Variants in AGBL1 observed in about 807,000 individuals in gnomAD.
The protein encoded by AGBL1 is cytosolic carboxypeptidase 4.
In AGBL1, 130 loss-of-function variants were observed where a neutral mutation model predicts 118.9. The observed-to-expected ratio is 1.09, with a 90% CI of 0.95 to 1.26. The LOEUF is 1.26. Ranked by LOEUF, AGBL1 falls within the 50% of genes most tolerant of loss-of-function variation. The probability of loss-of-function intolerance (pLI) is 0.00; values close to 1 mark genes in which losing one functional copy is unlikely to be tolerated. For missense variants in AGBL1, 1,584 were observed against 1,298.1 expected (o/e 1.22, Z -3.38); for synonymous variants, 555 against 478.9 (o/e 1.16, Z -2.08).
At chr15:86,785,257 C>A (rs1319301564) in intron 22 of AGBL1, among the ~76,000 whole-genome samples, 1 of 151,592 alleles carries the variant, frequency 6.6e-6, no homozygotes, top group Admixed American at 6.6e-5. Flanking sequence ...CAAGGGGAAG[C>A]ATGGTCAAGG....
At position 86,819,118 on chromosome 15, in the gene AGBL1, AGGGAGCAGAAAAAGAAAGTGAT is replaced by A. The variant is rs1279767897; in HGVS notation, c.3159-87965_3159-87944del. Among the ~76,000 whole-genome samples, 57 of 152,200 alleles carry A rather than the reference AGGGAGCAGAAAAAGAAAGTGAT, an allele frequency of 3.7e-4. 1 individual carries two copies. The highest frequency in any genetic ancestry group is 1.3e-3 in the African/African-American group (55 of 41,534). On this transcript the variant is annotated intron_variant, in intron 22 of 22. Coordinates refer to ENST00000614907, the MANE Select transcript of AGBL1 (RefSeq NM_001386094.1). ...AAGTATAGCCAGCATTTTTGTCCAC[AGGGAGCAGAAAAAGAAAGTGAT>A]GGGGGCAAAAATCTAACACTGAAGG...
intron 18 of AGBL1, among the ~76,000 whole-genome samples, chr15:86,512,209 G>C (rs1489221163): frequency 6.6e-6 from 1 of 151,836 alleles, no homozygotes; most frequent in Non-Finnish European, 1.5e-5. Context: ...CTGTCGCTGA[G>C]GTGTCCTCAA....
intron 22 of AGBL1, among the ~76,000 whole-genome samples, chr15:86,699,178 ATCTT>A (rs147729065): frequency 0.011 from 1,724 of 152,128 alleles, 23 homozygotes; most frequent in East Asian, 0.07. Context: ...AATTTTGTAT[ATCTT>A]CATTGAGATT....
chr15:86,542,234 A>G (rs1428431471), intron 19 of AGBL1, among the ~76,000 whole-genome samples: 2 of 152,162 alleles, frequency 1.3e-5, no homozygotes, highest in Admixed American at 6.5e-5. Context: ...CCTGTTTATG[A>G]GAGGGCTCAG....
chr15:86,986,211 ACGGCGCC>A (rs2081280733), intron 23 of AGBL1, among the ~76,000 whole-genome samples: 1 of 152,194 alleles, frequency 6.6e-6, no homozygotes. Flanking sequence ...GGCGTGAGCC[ACGGCGCC>A]CGGCCAGGAT....
In AGBL1 at chr15:86,493,448, G is replaced by A. The variant is rs142952254; in HGVS notation, c.2556-29362G>A. Among the ~76,000 whole-genome samples, 163 of 152,068 alleles carry A rather than the reference G, an allele frequency of 1.1e-3. 2 individuals carry two copies. The East Asian group carries it at 0.02, about 18-fold the overall frequency. On this transcript the variant is annotated intron_variant, in intron 18 of 22. Transcript: ENST00000614907. The stretch of plus-strand genomic sequence containing the variant: ...AAGACACATAGGAGAAGGTAAACTG[G>A]TAAAATGTGAAAGATGAAGGGGAGA...
intron 21 of AGBL1, among the ~76,000 whole-genome samples, chr15:86,666,556 T>A (rs943197796): frequency 2.0e-5 from 3 of 152,108 alleles, no homozygotes; most frequent in Admixed American, 1.3e-4. Context: ...TGCCAAATAA[T>A]AGGAAATAAC....
chr15:86,418,973 C>G (rs917224260), intron 18 of AGBL1, among the ~76,000 whole-genome samples: 1 of 152,106 alleles, frequency 6.6e-6, no homozygotes, highest in Non-Finnish European at 1.5e-5. Context: ...CTTCCATTGA[C>G]TTAATGCTCT....
chr15:86,125,415 G>A (rs1338377253), intron 1 of AGBL1, among the ~76,000 whole-genome samples: 1 of 152,074 alleles, frequency 6.6e-6, no homozygotes, highest in Non-Finnish European at 1.5e-5. Context: ...ACTTGATCAC[G>A]GTAACTTGTC....
intron 21 of AGBL1, among the ~76,000 whole-genome samples, chr15:86,663,114 T>G (rs1596347807): frequency 6.6e-6 from 1 of 152,154 alleles, no homozygotes; most frequent in South Asian, 2.1e-4. Context: ...CACCTATGGG[T>G]TAATGGCCCC....
At chr15:86,777,361 T>C (rs1426707288) in intron 22 of AGBL1, among the ~76,000 whole-genome samples, 1 of 152,032 alleles carries the variant, frequency 6.6e-6, no homozygotes, top group East Asian at 1.9e-4. Context: ...ATATTACTCA[T>C]ATAAATTCAT....
rs1409641880 is a variant in AGBL1, at chr15:86,335,200, G to A, written c.2374+39792G>A. Among the ~76,000 whole-genome samples, 9 of 151,802 alleles carry A rather than the reference G, an allele frequency of 5.9e-5. No homozygotes were observed. The South Asian group carries it at 6.2e-4, about 11-fold the overall frequency. On this transcript the variant is annotated intron_variant, in intron 17 of 22. Transcript: ENST00000614907. ...GTTGCCCAGGCTGGAGTGTAGTGGCGTGATCTCGGCTCACTGCAACCTCCG... is the reference window on the plus strand; with the variant it reads ...GTTGCCCAGGCTGGAGTGTAGTGGCATGATCTCGGCTCACTGCAACCTCCG...
chr15:86,535,306 G>A (rs2083410342), intron 19 of AGBL1, among the ~76,000 whole-genome samples: 1 of 152,206 alleles, frequency 6.6e-6, no homozygotes, highest in Non-Finnish European at 1.5e-5. Context: ...CCTTTGTGGA[G>A]CTCCCTCTAA....
intron 22 of AGBL1, among the ~76,000 whole-genome samples, chr15:86,871,500 G>C (rs2079727776): frequency 6.6e-6 from 1 of 152,010 alleles, no homozygotes; most frequent in Non-Finnish European, 1.5e-5. Context: ...ATGCTCTTTG[G>C]CAAAAGGCTG....
intron 21 of AGBL1, among the ~76,000 whole-genome samples, chr15:86,645,424 C>G (rs958309377): frequency 6.6e-6 from 1 of 152,182 alleles, no homozygotes; most frequent in African/African-American, 2.4e-5. Flanking sequence ...GATAAGCACA[C>G]ATTGCTATTT....
intron 22 of AGBL1, among the ~76,000 whole-genome samples, chr15:86,789,815 G>A (rs1281362544): frequency 6.6e-6 from 1 of 152,108 alleles, no homozygotes; most frequent in Non-Finnish European, 1.5e-5. Flanking sequence ...TCTCACCCTT[G>A]CCTGGGGCTA....
At position 86,158,961 on chromosome 15, in the gene AGBL1, T is replaced by C; in HGVS notation, c.423T>C (p.Asn141=). The part of the protein sequence containing the change: ...SVSMGAMLGI[N]GAMELLFKVI... Reference sequence around the variant, plus strand: ...CCATGGGAGCCATGCTGGGAATTAATGGAGCCATGGAACTGCTTTTCAAGG... The same window carrying C: ...CCATGGGAGCCATGCTGGGAATTAACGGAGCCATGGAACTGCTTTTCAAGG... Residue 141 remains asparagine, a synonymous_variant, in exon 5 of 23, where the codon AAT becomes AAC. Transcript: ENST00000614907. The C allele has an allele frequency of 3.1e-6, 5 of 1,613,384 alleles. No individual in the cohort carries two copies. In the South Asian group the frequency reaches 4.4e-5, roughly 14 times the overall value.
At chr15:86,641,015 T>C (rs1255693017) in intron 21 of AGBL1, among the ~76,000 whole-genome samples, 1 of 152,050 alleles carries the variant, frequency 6.6e-6, no homozygotes, top group Non-Finnish European at 1.5e-5. Flanking sequence ...TATTCTTCTG[T>C]GAATGGCTTA....
intron 21 of AGBL1, among the ~76,000 whole-genome samples, chr15:86,594,773 A>T (rs1462367489): frequency 6.6e-6 from 1 of 152,230 alleles, no homozygotes; most frequent in African/African-American, 2.4e-5. Flanking sequence ...AATACACCTG[A>T]ATACTGCAGA....
Sources: gnomAD v4.1 joint callset for allele counts (sites outside exome capture counted in the v4.1 genomes callset) on GRCh38, gnomAD v4.1.1 for gene constraint, MANE v1.5 for transcripts, NCBI Gene and HGNC (gene_info 2026-07-23, HGNC 2026-07-21) for gene names.